Variants in ZNF280D observed in about 807,000 individuals in gnomAD.
The protein encoded by ZNF280D is zinc finger protein 280D, also known as suppressor of hairy wing homolog 4.
In ZNF280D, 39 loss-of-function variants were observed where a neutral mutation model predicts 94.7. That is an observed-to-expected ratio of 0.41 (90% CI 0.32 to 0.54). ZNF280D has a LOEUF of 0.54. Among genes scored for constraint, ZNF280D ranks in the 20% least tolerant of loss-of-function variants. ZNF280D has a pLI of 0.22. For synonymous variants in ZNF280D, 398 were observed against 377.6 expected (o/e 1.05, Z -0.63); for missense variants, 1,090 against 1,149.3 (o/e 0.95, Z 0.75).
At chr15:56,658,163 A>G (rs2053673456) in intron 17 of ZNF280D, among the ~76,000 whole-genome samples, 1 of 152,178 alleles carries the variant, frequency 6.6e-6, no homozygotes, top group Non-Finnish European at 1.5e-5. Context: ...GACAGAAAGT[A>G]GACTAGTTGT....
intron 1 of ZNF280D, chr15:56,725,125 A>G: frequency 3.9e-6 from 1 of 258,730 alleles, no homozygotes; most frequent in Non-Finnish European, 7.8e-6. Context: ...AACCCACAAA[A>G]TAAGGAACGC....
intron 7 of ZNF280D, among the ~76,000 whole-genome samples, chr15:56,690,101 G>C (rs2056338058): frequency 6.6e-6 from 1 of 152,066 alleles, no homozygotes; most frequent in Admixed American, 6.5e-5. Context: ...AGGACACATA[G>C]GCCAGGCACG....
chr15:56,708,257 T>C lies in ZNF280D; in HGVS notation c.-85-951A>G, dbSNP rs139190551. Reference sequence around the variant, plus strand: ...TAATTTCAGAAGTTATTGTTATTAATTCAGTTATTCAGAGTTACTATCACA... The same window carrying C: ...TAATTTCAGAAGTTATTGTTATTAACTCAGTTATTCAGAGTTACTATCACA... On this transcript the variant is annotated intron_variant, in intron 1 of 21. Transcript: ENST00000267807. Among the ~76,000 whole-genome samples, 511 of 152,312 alleles carry C rather than the reference T, an allele frequency of 3.4e-3. 6 individuals are homozygous for C. Among genetic ancestry groups the C allele is most frequent in the African/African-American group, 0.012 (486 of 41,584 alleles).
At chr15:56,691,454 C>T (rs2056417547) in intron 7 of ZNF280D, among the ~76,000 whole-genome samples, 1 of 152,162 alleles carries the variant, frequency 6.6e-6, no homozygotes, top group African/African-American at 2.4e-5. Flanking sequence ...GGAGGCTGGA[C>T]AGTAGAAACA....
intron 1 of ZNF280D, among the ~76,000 whole-genome samples, chr15:56,707,931 G>A (rs1423819524): frequency 6.6e-6 from 1 of 151,634 alleles, no homozygotes; most frequent in Non-Finnish European, 1.5e-5. Context: ...TAAAAATGCT[G>A]TTAGAATAAA....
chr15:56,658,389 T>G (rs776428432), intron 17 of ZNF280D, 35 bp downstream of exon 17: 1 of 1,520,742 alleles, frequency 6.6e-7, no homozygotes, highest in East Asian at 2.3e-5. Context: ...TTACAATTTT[T>G]CAATAGAAAG....
intron 12 of ZNF280D, among the ~76,000 whole-genome samples, chr15:56,677,307 T>G (rs1039316946): frequency 6.6e-6 from 1 of 152,212 alleles, no homozygotes; most frequent in Admixed American, 6.5e-5. Context: ...TGTATTTCCC[T>G]TGTATGACTA....
intron 13 of ZNF280D, among the ~76,000 whole-genome samples, chr15:56,673,277 CA>C (rs1392375296): frequency 2.6e-4 from 40 of 151,166 alleles, no homozygotes; most frequent in African/African-American, 9.2e-4. Context: ...CCCCCTCCTA[CA>C]AAAAAAAATC....
intron 19 of ZNF280D, among the ~76,000 whole-genome samples, chr15:56,649,254 G>GA (rs1460169488): frequency 6.6e-6 from 1 of 151,936 alleles, no homozygotes; most frequent in Non-Finnish European, 1.5e-5. Flanking sequence ...ACCAGAGACT[G>GA]AAAAAAATGG....
chr15:56,720,378 G>A (rs1275888916), intron 1 of ZNF280D, among the ~76,000 whole-genome samples: 3 of 152,022 alleles, frequency 2.0e-5, no homozygotes, highest in African/African-American at 4.8e-5. Context: ...TTCTAAATCC[G>A]GCTCTCTTGC....
intron 13 of ZNF280D, among the ~76,000 whole-genome samples, chr15:56,669,885 ATATTATATATATATATAATATATATATAT>A: frequency 1.4e-4 from 1 of 6,942 alleles, no homozygotes; most frequent in African/African-American, 3.3e-4. Flanking sequence ...ATATATATAT[ATATTATATATATATATAATATATATATAT>A]TATATATATA....
chr15:56,663,504 A>T (rs2054093724), intron 16 of ZNF280D, among the ~76,000 whole-genome samples: 1 of 152,094 alleles, frequency 6.6e-6, no homozygotes, highest in African/African-American at 2.4e-5. Context: ...ACTTCTAACA[A>T]GAATCAACAC....
chr15:56,693,853 C>A (rs1016734907), intron 6 of ZNF280D, among the ~76,000 whole-genome samples: 9 of 152,006 alleles, frequency 5.9e-5, no homozygotes, highest in African/African-American at 1.9e-4. Flanking sequence ...AGCTATGTGT[C>A]AGAAAGAGAA....
intron 1 of ZNF280D, among the ~76,000 whole-genome samples, chr15:56,731,372 G>T (rs114870103): frequency 4.5e-4 from 68 of 151,908 alleles, no homozygotes; most frequent in African/African-American, 1.5e-3. Flanking sequence ...GTGTGGTGGC[G>T]TGCTCCTGGG....
Position 56,653,686 on chromosome 15 carries a change from T to C in ZNF280D, c.2213+512A>G, listed in dbSNP as rs1596360786. The C allele has an allele frequency of 1.3e-5, 18 of 1,336,954 alleles. No individual in the cohort carries two copies. The East Asian group carries it at 5.2e-4, about 39-fold the overall frequency. 82.8% of individuals were successfully genotyped at this position (1,336,954 alleles called of 1,614,324 possible). A position where few individuals can be genotyped will look rare whatever the true frequency, so the allele number is the denominator to read the frequency against. ...CCTAAAACTTAAGACGTATAAGAAA[T>C]TAAGAAAGCAGACAAACAGACAAAA... On this transcript the variant is annotated intron_variant, in intron 19 of 21. Coordinates refer to ENST00000267807, the MANE Select transcript of ZNF280D (RefSeq NM_017661.4).
chr15:56,693,815 G>T (rs1295668591), intron 6 of ZNF280D, among the ~76,000 whole-genome samples: 1 of 152,128 alleles, frequency 6.6e-6, no homozygotes, highest in Non-Finnish European at 1.5e-5. Context: ...TGTGAATTTT[G>T]AAATCATCTT....
At chr15:56,721,260 C>T (rs1471365218) in intron 1 of ZNF280D, among the ~76,000 whole-genome samples, 1 of 152,146 alleles carries the variant, frequency 6.6e-6, no homozygotes, top group Admixed American at 6.5e-5. Context: ...CATGAGCCAC[C>T]ACATCTGGCA....
At chr15:56,682,609 T>C (rs1294951816) in intron 9 of ZNF280D, 132 bp from the exon 10 acceptor site, 6 of 565,888 alleles carry the variant, frequency 1.1e-5, no homozygotes, top group African/African-American at 6.0e-5. Context: ...TCTAGAAAAA[T>C]AGTCACCAAA....
At chr15:56,650,352 T>C (rs1225867819) in intron 19 of ZNF280D, among the ~76,000 whole-genome samples, 1 of 152,114 alleles carries the variant, frequency 6.6e-6, no homozygotes, top group Admixed American at 6.6e-5. Context: ...GTAAAACACA[T>C]TTTACATATT....
Sources: allele counts gnomAD v4.1 joint callset (sites outside exome capture counted in the v4.1 genomes callset), GRCh38; gene constraint gnomAD v4.1.1; transcripts MANE v1.5; gene names NCBI Gene and HGNC (gene_info 2026-07-23, HGNC 2026-07-21).